The following SLC30A7 variants were observed in gnomAD, a reference collection of about 807,000 sequenced individuals.
The protein encoded by SLC30A7 is zinc transporter 7.
In SLC30A7, 35 loss-of-function variants were observed where a neutral mutation model predicts 46.0. That is an observed-to-expected ratio of 0.76 (90% confidence interval 0.58 to 1.01). The LOEUF is 1.01. Ranked by LOEUF, SLC30A7 falls within the 50% of genes least tolerant of loss-of-function variation. The probability of loss-of-function intolerance (pLI) is 0.00; values close to 1 mark genes in which losing one functional copy is unlikely to be tolerated. For synonymous variants in SLC30A7, 147 were observed against 157.8 expected (o/e 0.93, Z 0.51); for missense variants, 464 against 451.1 (o/e 1.03, Z -0.26).
chr1:100,987,092 G>A, the SLC30A7 span, among the ~76,000 whole-genome samples: 2 of 152,204 alleles, frequency 1.3e-5, no homozygotes, highest in African/African-American at 4.8e-5. Flanking sequence ...AGCAGACAGA[G>A]GAACCTGGTT....
chr1:100,950,753 T>G (rs1397583194), intron 8 of SLC30A7, among the ~76,000 whole-genome samples: 2 of 152,222 alleles, frequency 1.3e-5, no homozygotes, highest in Non-Finnish European at 2.9e-5. Flanking sequence ...TAACCCCGAC[T>G]AGTTAAAAGC....
intron 7 of SLC30A7, among the ~76,000 whole-genome samples, chr1:100,918,951 A>G (rs879732938): frequency 5.3e-5 from 8 of 152,150 alleles, no homozygotes; most frequent in Non-Finnish European, 1.2e-4. Context: ...CTTTCACACC[A>G]TCATGAAGCC....
intron 10 of SLC30A7, chr1:100,972,408 C>G (rs1284101426): frequency 2.2e-5 from 4 of 180,144 alleles, no homozygotes; most frequent in African/African-American, 9.6e-5. Context: ...GCTGTAAGCC[C>G]TCAGGGGAAG....
chr1:100,970,213 T>C (rs985732251), intron 10 of SLC30A7, among the ~76,000 whole-genome samples: 1 of 152,140 alleles, frequency 6.6e-6, no homozygotes, highest in Admixed American at 6.5e-5. Context: ...CATTTTTAGG[T>C]ATCTTTCTTA....
Position 100,896,593 on chromosome 1 carries a change from C to G in SLC30A7, c.104C>G (p.Ser35Cys). 1 of 1,614,144 alleles carries G rather than the reference C, an allele frequency of 6.2e-7. No homozygotes were observed. Among genetic ancestry groups the G allele is most frequent in the Non-Finnish European group, 8.5e-7 (1 of 1,180,004 alleles). Residue 35 changes from serine to cysteine, a missense_variant, in exon 2 of 11, where the codon TCC becomes TGC. By Grantham distance (112) the Ser-to-Cys change is moderately radical. Coordinates refer to ENST00000357650, the MANE Select transcript of SLC30A7 (RefSeq NM_133496.5). ...AGGTCTATACTGTCCGACAAGACTT[C>G]CCGGAACCTGTTTTTCTTCCTGTGC... is the stretch of plus-strand genomic sequence containing the variant. ...WFRSILSDKT[S>C]RNLFFFLCLN...
chr1:100,906,546 C>T (rs1651682823), intron 2 of SLC30A7, among the ~76,000 whole-genome samples: 1 of 152,074 alleles, frequency 6.6e-6, no homozygotes, highest in Non-Finnish European at 1.5e-5. Context: ...TCCTACCTCT[C>T]TTTCAGTGGC....
At position 100,913,779 on chromosome 1, in the gene SLC30A7, C is replaced by G; in HGVS notation, c.628C>G (p.His210Asp). Residue 210 changes from histidine (H) to aspartate (D), a missense_variant, in exon 6 of 11, where the codon CAT (histidine) becomes GAT (aspartate). Physicochemically the swap from His to Asp is moderately conservative, Grantham distance 81. Coordinates refer to ENST00000357650, the MANE Select transcript of SLC30A7 (RefSeq NM_133496.5). ...HGAAHSHDHAHGHGHFHSHDG... is the reference protein window; with the variant it reads ...HGAAHSHDHADGHGHFHSHDG... The stretch of plus-strand genomic sequence containing the variant: ...TGCTGCACATAGCCATGATCATGCT[C>G]ATGGACATGGACACTTTCATTCTCA... 6.2e-7 allele frequency: 1 copy of G among 1,613,680 alleles called. No homozygotes were observed. The highest frequency in any genetic ancestry group is 8.5e-7 in the Non-Finnish European group (1 of 1,179,630).
chr1:100,995,153 T>C, the SLC30A7 span: 2 of 1,567,538 alleles, frequency 1.3e-6, no homozygotes, highest in Non-Finnish European at 1.8e-6. Flanking sequence ...TTGATGTCTG[T>C]AGGAAGTAAA....
chr1:100,966,100 C>T (rs1266549351), intron 10 of SLC30A7, among the ~76,000 whole-genome samples, 182 bp downstream of exon 10: 8 of 151,146 alleles, frequency 5.3e-5, no homozygotes. Context: ...TGGTGACATG[C>T]GCCTATAGTC....
At chr1:100,924,549 A>G (rs1441618578) in intron 8 of SLC30A7, among the ~76,000 whole-genome samples, 1 of 151,832 alleles carries the variant, frequency 6.6e-6, no homozygotes, top group Non-Finnish European at 1.5e-5. Flanking sequence ...AGCACCTTCT[A>G]CTGTAGTACC....
At chr1:100,913,319 C>T (rs890008488) in intron 5 of SLC30A7, among the ~76,000 whole-genome samples, 5 of 152,066 alleles carry the variant, frequency 3.3e-5, no homozygotes, top group African/African-American at 9.7e-5. Context: ...CCTCATCTCC[C>T]GTGCCTAGAA....
chr1:100,943,096 A>G (rs1654445941), intron 8 of SLC30A7, among the ~76,000 whole-genome samples: 1 of 152,194 alleles, frequency 6.6e-6, no homozygotes, highest in South Asian at 2.1e-4. Context: ...GTAGCTGAGT[A>G]TCCTCTAATT....
At chr1:100,915,008 C>T (rs1652386020) in intron 6 of SLC30A7, among the ~76,000 whole-genome samples, 1 of 151,932 alleles carries the variant, frequency 6.6e-6, no homozygotes, top group African/African-American at 2.4e-5. Context: ...ATGTATACAA[C>T]TTGATGAGTT....
At chr1:100,933,238 T>G (rs571080220) in intron 8 of SLC30A7, among the ~76,000 whole-genome samples, 10 of 152,036 alleles carry the variant, frequency 6.6e-5, no homozygotes, top group African/African-American at 2.4e-4. Flanking sequence ...CCTCCCAAAG[T>G]GCTGGGATTA....
At chr1:100,958,257 A>G (rs188900604) in intron 8 of SLC30A7, among the ~76,000 whole-genome samples, 827 of 152,106 alleles carry the variant, frequency 5.4e-3, no homozygotes, top group Non-Finnish European at 8.6e-3. Flanking sequence ...GCTCACTGCA[A>G]GCTCCACCTC....
In SLC30A7 at chr1:100,981,427, C is replaced by CT. The variant is rs1257531110; in HGVS notation, c.*6573dup. On this transcript the variant is annotated 3_prime_UTR_variant, in exon 11 of 11. Transcript: ENST00000357650. The stretch of plus-strand genomic sequence containing the variant: ...ACCCTACAACACTTTACCTCCCTGC[C>CT]TTTAGTGGTATTTAAACATATGGCC... 1 of 152,158 alleles carries CT rather than the reference C, an allele frequency of 6.6e-6. No homozygotes were observed. Among genetic ancestry groups the CT allele is most frequent in the Non-Finnish European group, 1.5e-5 (1 of 68,006 alleles). The allele number at this position is 152,158 out of a possible 1,614,324, so 9.4% of individuals were successfully genotyped here. A position where few individuals can be genotyped will look rare whatever the true frequency, so the allele number is the denominator to read the frequency against.
rs940610891 is a variant in SLC30A7, at chr1:100,967,674, G to A, written c.1083+1756G>A. ...TAACCATGAGCAAACATCCAGACAAGTACAGCTTGTGAGAGCCTCCACAAG... is the reference window on the plus strand; with the variant it reads ...TAACCATGAGCAAACATCCAGACAAATACAGCTTGTGAGAGCCTCCACAAG... On this transcript the variant is annotated intron_variant, in intron 10 of 10. Coordinates refer to ENST00000357650, the MANE Select transcript of SLC30A7 (RefSeq NM_133496.5). 2.0e-5 allele frequency among the ~76,000 whole-genome samples: 3 copies of A among 152,284 alleles called. No homozygotes were observed. In the East Asian group the frequency reaches 5.8e-4, roughly 29 times the overall value.
chr1:100,927,610 AAAC>A (rs1246510189), intron 8 of SLC30A7, among the ~76,000 whole-genome samples: 1 of 152,202 alleles, frequency 6.6e-6, no homozygotes, highest in African/African-American at 2.4e-5. Flanking sequence ...TTTAAAGTGC[AAAC>A]AACCAGAATA....
the SLC30A7 span, among the ~76,000 whole-genome samples, chr1:100,989,439 G>A: frequency 1.3e-5 from 2 of 152,150 alleles, no homozygotes; most frequent in East Asian, 3.8e-4. Context: ...AGCTAACCAA[G>A]ACAGTGAATT....
Sources: gnomAD v4.1 joint callset for allele counts (sites outside exome capture counted in the v4.1 genomes callset) on GRCh38, gnomAD v4.1.1 for gene constraint, MANE v1.5 for transcripts, NCBI Gene and HGNC (gene_info 2026-07-23, HGNC 2026-07-21) for gene names.